Variants in ANKIB1 observed in about 807,000 individuals in gnomAD.
The protein encoded by ANKIB1 is ankyrin repeat and IBR domain-containing protein 1.
ANKIB1 carries 43 observed loss-of-function variants against 122.1 expected under a neutral mutation model. That is an observed-to-expected ratio of 0.35 (90% CI 0.28 to 0.45). ANKIB1 has a LOEUF of 0.45. Ranked by LOEUF, ANKIB1 falls within the 20% of genes least tolerant of loss-of-function variation. The pLI is 1.00. For missense variants in ANKIB1, 992 were observed against 1,329.5 expected (o/e 0.75, Z 3.95); for synonymous variants, 390 against 442.0 (o/e 0.88, Z 1.48).
Position 92,400,783 on chromosome 7 carries a change from T to G in ANKIB1, c.*1834T>G, listed in dbSNP as rs1804996210. The G allele has an allele frequency of 6.6e-6, 1 of 152,202 alleles. No homozygotes were observed. The highest frequency in any genetic ancestry group is 1.5e-5 in the Non-Finnish European group (1 of 68,026). The allele number at this position is 152,202 out of a possible 1,614,324, so 9.4% of individuals were successfully genotyped here. On this transcript the variant is annotated 3_prime_UTR_variant, in exon 20 of 20. Transcript: ENST00000265742. The stretch of plus-strand genomic sequence containing the variant: ...CAGAAACATTGATATCAATCCCTAT[T>G]AAATTAGTGGGGGGAATATTAACTT...
chr7:92,278,166 G>C (rs1383760205), intron 1 of ANKIB1, among the ~76,000 whole-genome samples: 2 of 152,018 alleles, frequency 1.3e-5, no homozygotes, highest in Non-Finnish European at 2.9e-5. Flanking sequence ...TGGGAAGAGT[G>C]CTTGAGCCCA....
At chr7:92,305,288 A>G (rs927664574) in intron 2 of ANKIB1, among the ~76,000 whole-genome samples, 12 of 152,318 alleles carry the variant, frequency 7.9e-5, no homozygotes, top group Admixed American at 7.2e-4. Context: ...ATTAGAACCT[A>G]GCAGTCTGGG....
intron 1 of ANKIB1, among the ~76,000 whole-genome samples, chr7:92,249,050 G>A (rs1801264998): frequency 6.6e-6 from 1 of 151,804 alleles, no homozygotes; most frequent in East Asian, 1.9e-4. Context: ...ACCACACCCG[G>A]CTAATTTTTG....
At chr7:92,275,667 T>C (rs1801887255) in intron 1 of ANKIB1, among the ~76,000 whole-genome samples, 1 of 152,158 alleles carries the variant, frequency 6.6e-6, no homozygotes, top group Non-Finnish European at 1.5e-5. Flanking sequence ...TGCACCATTC[T>C]GGAATTGGGA....
At chr7:92,310,513 G>C (rs1054063419) in intron 3 of ANKIB1, among the ~76,000 whole-genome samples, 1 of 152,116 alleles carries the variant, frequency 6.6e-6, no homozygotes, top group Non-Finnish European at 1.5e-5. Flanking sequence ...TCTCAGGGAA[G>C]CATATATTAA....
rs777160280 is a variant in ANKIB1 at position 92,397,706 on chromosome 7, C to T, written c.2396-17C>T. On this transcript the variant is annotated splice_polypyrimidine_tract_variant and intron_variant, in intron 18 of 19. Coordinates refer to ENST00000265742, the MANE Select transcript of ANKIB1 (RefSeq NM_019004.2). ...TTTGTCACTAAATTGTCTTTGGTAC[C>T]AATTGCTTTGAAACAGATATTCCAG... 1.2e-6 allele frequency: 2 copies of T among 1,608,072 alleles called. No individual in the cohort carries two copies. The highest frequency in any genetic ancestry group is 2.2e-5 in the South Asian group (2 of 90,486).
At chr7:92,327,567 G>A (rs1482765175) in intron 4 of ANKIB1, among the ~76,000 whole-genome samples, 4 of 151,670 alleles carry the variant, frequency 2.6e-5, no homozygotes, top group Non-Finnish European at 1.5e-5. Flanking sequence ...GTTATACTGT[G>A]TTATTTAAGG....
At chr7:92,283,046 C>T (rs1402711745) in intron 1 of ANKIB1, among the ~76,000 whole-genome samples, 4 of 152,118 alleles carry the variant, frequency 2.6e-5, no homozygotes, top group Non-Finnish European at 4.4e-5. Flanking sequence ...ACTACAGTAT[C>T]ATTTTTTACA....
At chr7:92,256,708 A>G (rs1801455825) in intron 1 of ANKIB1, among the ~76,000 whole-genome samples, 1 of 152,176 alleles carries the variant, frequency 6.6e-6, no homozygotes, top group Non-Finnish European at 1.5e-5. Context: ...TTCCCATGGC[A>G]CTTATTACCA....
intron 2 of ANKIB1, among the ~76,000 whole-genome samples, chr7:92,299,968 C>T (rs550072162): frequency 7.9e-5 from 12 of 152,170 alleles, no homozygotes; most frequent in Non-Finnish European, 1.5e-4. Flanking sequence ...CTATGTCTGG[C>T]CAATTTTTTT....
intron 17 of ANKIB1, among the ~76,000 whole-genome samples, chr7:92,392,925 G>A (rs1281027950): frequency 1.3e-5 from 2 of 151,980 alleles, no homozygotes; most frequent in Non-Finnish European, 2.9e-5. Context: ...TAATCACATA[G>A]CTGTTTTCTG....
At chr7:92,330,829 G>A (rs557970343) in intron 5 of ANKIB1, among the ~76,000 whole-genome samples, 11 of 152,086 alleles carry the variant, frequency 7.2e-5, no homozygotes, top group Non-Finnish European at 1.2e-4. Flanking sequence ...ACGACAGAGC[G>A]AGACTCTGTC....
chr7:92,363,702 G>C (rs1395164132), intron 10 of ANKIB1, among the ~76,000 whole-genome samples: 1 of 152,208 alleles, frequency 6.6e-6, no homozygotes, highest in African/African-American at 2.4e-5. Context: ...GAGAGAGATG[G>C]CCTGGCGGCC....
At chr7:92,251,834 A>G (rs1801336126) in intron 1 of ANKIB1, among the ~76,000 whole-genome samples, 2 of 152,204 alleles carry the variant, frequency 1.3e-5, no homozygotes, top group African/African-American at 2.4e-5. Flanking sequence ...CAAAGAATCT[A>G]TACAAATTTC....
intron 12 of ANKIB1, among the ~76,000 whole-genome samples, chr7:92,387,034 G>T (rs1184622334): frequency 6.6e-6 from 1 of 152,124 alleles, no homozygotes; most frequent in Non-Finnish European, 1.5e-5. Flanking sequence ...TGTAGAGGTT[G>T]TGAAGTCCAA....
At chr7:92,329,297 C>T (rs1266470736) in intron 5 of ANKIB1, among the ~76,000 whole-genome samples, 1 of 152,088 alleles carries the variant, frequency 6.6e-6, no homozygotes, top group Non-Finnish European at 1.5e-5. Context: ...TGACAGTCTA[C>T]AACTGCCATT....
intron 3 of ANKIB1, among the ~76,000 whole-genome samples, chr7:92,310,563 C>T (rs1437008185): frequency 6.6e-6 from 1 of 152,106 alleles, no homozygotes; most frequent in Non-Finnish European, 1.5e-5. Flanking sequence ...TGTACAAGTG[C>T]ATACAATAAA....
At chr7:92,298,054 C>G (rs1386061993) in intron 2 of ANKIB1, among the ~76,000 whole-genome samples, 3 of 152,110 alleles carry the variant, frequency 2.0e-5, no homozygotes, top group South Asian at 4.1e-4. Context: ...CTACTCTGAC[C>G]TCCAGTATTC....
intron 1 of ANKIB1, among the ~76,000 whole-genome samples, chr7:92,278,481 A>G (rs752103653): frequency 3.3e-5 from 5 of 152,108 alleles, no homozygotes; most frequent in African/African-American, 4.8e-5. Flanking sequence ...ATCATTTCCT[A>G]TGCCTCCCTA....
Sources: allele counts gnomAD v4.1 joint callset (sites outside exome capture counted in the v4.1 genomes callset), GRCh38; gene constraint gnomAD v4.1.1; transcripts MANE v1.5; gene names NCBI Gene and HGNC (gene_info 2026-07-23, HGNC 2026-07-21).